Variants in NAALADL2 observed in about 807,000 individuals in gnomAD.
The protein encoded by NAALADL2 is N-acetylated alpha-linked acidic dipeptidase like 2.
NAALADL2 carries 76 observed loss-of-function variants against 87.2 expected under a neutral mutation model. That is an observed-to-expected ratio of 0.87 (90% CI 0.72 to 1.05). The LOEUF (loss-of-function observed/expected upper bound fraction) is 1.05, where lower values mean the gene tolerates loss of function less well. Among genes scored for constraint, NAALADL2 ranks in the 50% least tolerant of loss-of-function variants. The probability of loss-of-function intolerance (pLI) is 0.00; values close to 1 mark genes in which losing one functional copy is unlikely to be tolerated. For missense variants in NAALADL2, 1,089 were observed against 945.8 expected (o/e 1.15, Z -1.99); for synonymous variants, 354 against 331.0 (o/e 1.07, Z -0.75).
intron 3 of NAALADL2, among the ~76,000 whole-genome samples, chr3:174,795,714 TGTATA>T (rs1578962741): frequency 6.6e-6 from 1 of 152,190 alleles, no homozygotes; most frequent in African/African-American, 2.4e-5. Context: ...TTGTATGACT[TGTATA>T]GTATAGCTAT....
intron 1 of NAALADL2, among the ~76,000 whole-genome samples, chr3:174,952,038 C>T (rs940969522): frequency 2.6e-5 from 4 of 152,062 alleles, no homozygotes; most frequent in African/African-American, 9.7e-5. Flanking sequence ...ATTAGGCAAA[C>T]TCTTATTCAT....
chr3:174,575,441 T>A (rs2108545707), intron 2 of NAALADL2, among the ~76,000 whole-genome samples: 1 of 152,286 alleles, frequency 6.6e-6, no homozygotes, highest in East Asian at 1.9e-4. Flanking sequence ...GCCCAAACAT[T>A]TCCTAGTTAG....
chr3:174,816,821 A>C (rs985481146), intron 3 of NAALADL2, among the ~76,000 whole-genome samples: 4 of 152,140 alleles, frequency 2.6e-5, no homozygotes, highest in Non-Finnish European at 4.4e-5. Context: ...AGTATTGGTC[A>C]TTGCAAGGCA....
intron 9 of NAALADL2, among the ~76,000 whole-genome samples, chr3:175,553,616 C>G (rs1240988179): frequency 2.7e-5 from 4 of 148,748 alleles, no homozygotes; most frequent in African/African-American, 9.9e-5. Flanking sequence ...TCAAAAAGCA[C>G]AGCTCCTGAA....
chr3:174,539,977 GAAAAAAAAAAA>G (rs57394560), intron 1 of NAALADL2, among the ~76,000 whole-genome samples: 2 of 51,178 alleles, frequency 3.9e-5, no homozygotes, highest in Admixed American at 2.9e-4. Context: ...GGAAGTTCTG[GAAAAAAAAAAA>G]AAAAAAAAAA....
intron 1 of NAALADL2, among the ~76,000 whole-genome samples, chr3:175,064,247 GAA>G (rs368197778): frequency 0.14 from 16,389 of 116,134 alleles, 1,031 homozygotes; most frequent in East Asian, 0.28. Context: ...GGGAAAAGAA[GAA>G]AAAAAAAAAA....
chr3:174,514,958 G>A (rs1203617504), intron 1 of NAALADL2, among the ~76,000 whole-genome samples: 1 of 151,966 alleles, frequency 6.6e-6, no homozygotes, highest in Non-Finnish European at 1.5e-5. Context: ...ACCTAGTTGA[G>A]GTCATAGAAT....
At chr3:174,944,506 T>A (rs1022786903) in intron 1 of NAALADL2, among the ~76,000 whole-genome samples, 10 of 152,168 alleles carry the variant, frequency 6.6e-5, no homozygotes, top group African/African-American at 2.2e-4. Context: ...GCCAGTCTTA[T>A]CCTGTGAGGT....
At chr3:175,302,028 A>G (rs1007815327) in intron 4 of NAALADL2, among the ~76,000 whole-genome samples, 7 of 148,808 alleles carry the variant, frequency 4.7e-5, no homozygotes, top group African/African-American at 1.0e-4. Context: ...AATGAATTTG[A>G]TCATGGTGAT....
chr3:174,591,172 G>A (rs1042748140), intron 2 of NAALADL2, among the ~76,000 whole-genome samples: 10 of 152,158 alleles, frequency 6.6e-5, no homozygotes, highest in African/African-American at 2.4e-4. Context: ...TCTTGAGATG[G>A]ACAAATCTCC....
rs572906271 is a variant in NAALADL2 at position 175,696,343 on chromosome 3, G to A, written c.1897-40963G>A. ...ATAATATAGTGAGAAATAAAGTAGT[G>A]TTATGAAAGAAATGTAAACAAATGA... On this transcript the variant is annotated intron_variant, in intron 11 of 13. Coordinates refer to ENST00000454872, the MANE Select transcript of NAALADL2 (RefSeq NM_207015.3). 2.2e-4 allele frequency among the ~76,000 whole-genome samples: 33 copies of A among 152,198 alleles called. 1 individual carries two copies. The highest frequency in any genetic ancestry group is 1.8e-3 in the Admixed American group (27 of 15,262).
chr3:175,545,155 A>G (rs1317493904), intron 9 of NAALADL2, among the ~76,000 whole-genome samples: 1 of 152,200 alleles, frequency 6.6e-6, no homozygotes, highest in Non-Finnish European at 1.5e-5. Context: ...AAACAAGATC[A>G]GAGGTCTTAC....
chr3:175,530,853 C>A (rs748468597), intron 9 of NAALADL2, among the ~76,000 whole-genome samples: 59 of 152,182 alleles, frequency 3.9e-4, no homozygotes, highest in Admixed American at 1.2e-3. Flanking sequence ...TCCTGATGGG[C>A]AGTTCAGGTC....
intron 9 of NAALADL2, among the ~76,000 whole-genome samples, chr3:175,557,360 T>C (rs1349999218): frequency 6.6e-6 from 1 of 152,204 alleles, no homozygotes; most frequent in East Asian, 1.9e-4. Flanking sequence ...GTAAATAGGA[T>C]ATCCATTACC....
chr3:174,738,679 C>A (rs575915979), intron 3 of NAALADL2, among the ~76,000 whole-genome samples: 2 of 152,118 alleles, frequency 1.3e-5, no homozygotes, highest in African/African-American at 4.8e-5. Context: ...GAATTAATTT[C>A]TAAGGTTATT....
chr3:175,181,797 GTA>G (rs767734290), intron 2 of NAALADL2, among the ~76,000 whole-genome samples: 5 of 134,224 alleles, frequency 3.7e-5, no homozygotes, highest in African/African-American at 1.5e-4. Flanking sequence ...ATGTGTGTGT[GTA>G]TATATATGTA....
intron 1 of NAALADL2, among the ~76,000 whole-genome samples, chr3:174,445,162 TGAG>T (rs1258971441): frequency 1.3e-5 from 2 of 151,848 alleles, no homozygotes; most frequent in African/African-American, 4.8e-5. Context: ...TTTAGTAGAG[TGAG>T]GAGAAGGGAA....
chr3:174,477,238 C>A lies in NAALADL2; in HGVS notation c.-184+36206C>A, dbSNP rs115740035. Among the ~76,000 whole-genome samples, 812 of 152,136 alleles carry A rather than the reference C, an allele frequency of 5.3e-3. 6 individuals are homozygous for A. Among genetic ancestry groups the A allele is most frequent in the East Asian group, 0.041 (210 of 5,178 alleles). ...TTTTGTCCTATAACTAGAGTTTAGG[C>A]CAAATATCATTTGCTATAGAGCTAG... On this transcript the variant is annotated intron_variant, in intron 1 of 3. Transcript: ENST00000434257.
At chr3:174,689,609 T>A (rs1451455816) in intron 2 of NAALADL2, among the ~76,000 whole-genome samples, 1 of 151,984 alleles carries the variant, frequency 6.6e-6, no homozygotes, top group Non-Finnish European at 1.5e-5. Flanking sequence ...CTCCTCTATA[T>A]TATAGTTTGC....
Sources: allele counts gnomAD v4.1 joint callset (sites outside exome capture counted in the v4.1 genomes callset), GRCh38; gene constraint gnomAD v4.1.1; transcripts MANE v1.5; gene names NCBI Gene and HGNC (gene_info 2026-07-23, HGNC 2026-07-21).